FAM118A: variants seen among roughly 807,000 people sequenced by gnomAD.
FAM118A encodes protein FAM118A.
FAM118A carries 25 observed loss-of-function variants against 38.2 expected under a neutral mutation model. The ratio of observed to expected loss-of-function variants is 0.65; its 90% CI spans 0.48 to 0.91. The LOEUF is 0.91. Among genes scored for constraint, FAM118A ranks in the 40% least tolerant of loss-of-function variants. FAM118A has a pLI of 0.00. For missense variants in FAM118A, 425 were observed against 463.3 expected (o/e 0.92, Z 0.76); for synonymous variants, 178 against 184.1 (o/e 0.97, Z 0.27).
rs181033315 is a variant in FAM118A at position 45,324,775 on chromosome 22, G to A, written c.300+1348G>A. Among the ~76,000 whole-genome samples, 8 of 152,304 alleles carry A rather than the reference G, an allele frequency of 5.3e-5. No individual in the cohort carries two copies. In the South Asian group the frequency reaches 8.3e-4, roughly 16 times the overall value. On this transcript the variant is annotated intron_variant, in intron 3 of 8. Coordinates refer to ENST00000441876, the MANE Select transcript of FAM118A (RefSeq NM_017911.4). ...TACTTCCTCTCTGAGGCAGGGGCGCGGTGGCTCACGCCTGTAATCCCAGCA... is the reference window on the plus strand; with the variant it reads ...TACTTCCTCTCTGAGGCAGGGGCGCAGTGGCTCACGCCTGTAATCCCAGCA...
chr22:45,331,806 G>A (rs1460978394), intron 5 of FAM118A, among the ~76,000 whole-genome samples: 1 of 152,096 alleles, frequency 6.6e-6, no homozygotes, highest in East Asian at 1.9e-4. Flanking sequence ...TTGGTTAGCT[G>A]CATTGGCGAT....
intron 1 of FAM118A, among the ~76,000 whole-genome samples, chr22:45,310,524 C>T (rs556974050): frequency 6.6e-6 from 1 of 152,266 alleles, no homozygotes; most frequent in South Asian, 2.1e-4. Context: ...CTGTGGGGAG[C>T]CGTGGTTCCC....
intron 4 of FAM118A, chr22:45,329,716 T>G (rs2085568265): frequency 6.6e-6 from 1 of 152,352 alleles, no homozygotes; most frequent in South Asian, 2.1e-4. Context: ...GGTAGTGCCA[T>G]GGAGTAGACA....
At chr22:45,338,079 G>GT (rs1157638512) in intron 8 of FAM118A, 1 of 157,796 alleles carries the variant, frequency 6.3e-6, no homozygotes, top group Non-Finnish European at 1.4e-5. Context: ...TTACTCACAT[G>GT]TTCTTTTTCC....
chr22:45,321,657 T>C (rs2084886088), intron 1 of FAM118A: 1 of 153,848 alleles, frequency 6.5e-6, no homozygotes, highest in Admixed American at 6.4e-5. Flanking sequence ...GTTCAAGCAG[T>C]CCACCTTGGC....
At chr22:45,321,919 A>G (rs1482373633) in intron 1 of FAM118A, 1 of 281,336 alleles carries the variant, frequency 3.6e-6, no homozygotes, top group African/African-American at 2.2e-5. Flanking sequence ...AGTGCTCTGC[A>G]CCTTAGAGCA....
At chr22:45,309,165 C>T (rs1442467869), upstream of FAM118A, 1 of 152,234 alleles carries the variant, frequency 6.6e-6, no homozygotes, top group Non-Finnish European at 1.5e-5. Flanking sequence ...CCGGATCGAA[C>T]CTAAGCTGGG....
chr22:45,319,653 G>A (rs1325446626), intron 1 of FAM118A, among the ~76,000 whole-genome samples: 3 of 152,260 alleles, frequency 2.0e-5, no homozygotes, highest in East Asian at 1.9e-4. Context: ...AAATCTCAGG[G>A]GTGGGGTCCA....
rs1569150932 is a variant in FAM118A, at chr22:45,332,604, TA to T, written c.832del (p.Met278CysfsTer58). 1.2e-6 allele frequency: 2 copies of T among 1,614,224 alleles called. No homozygotes were observed. The highest frequency in any genetic ancestry group is 2.7e-5 in the African/African-American group (2 of 75,060). On this transcript the variant is annotated frameshift_variant, in exon 6 of 9. Coordinates refer to ENST00000441876, the MANE Select transcript of FAM118A (RefSeq NM_017911.4). LOFTEE classifies it high-confidence loss of function. ...EDHFFKHQAD[M>X]LLHGIKVVSY... ...ACCATTTCTTTAAGCATCAGGCAGA[TA>T]TGCTTCTGCACGGAATCAAAGTTGT... is the stretch of plus-strand genomic sequence containing the variant.
chr22:45,316,037 C>T (rs922858420), intron 1 of FAM118A, among the ~76,000 whole-genome samples: 4 of 152,102 alleles, frequency 2.6e-5, no homozygotes, highest in African/African-American at 9.7e-5. Context: ...GACTGTTGCT[C>T]AGTGATTTGA....
chr22:45,321,870 G>A (rs1344834540), intron 1 of FAM118A: 2 of 176,840 alleles, frequency 1.1e-5, no homozygotes, highest in Non-Finnish European at 2.4e-5. Flanking sequence ...TGGTGCCTTG[G>A]AGCTGGTGCC....
intron 6 of FAM118A, among the ~76,000 whole-genome samples, chr22:45,334,544 C>T (rs962886165): frequency 4.6e-5 from 7 of 152,134 alleles, no homozygotes; most frequent in Admixed American, 1.3e-4. Flanking sequence ...TTATTAAGGG[C>T]AGAAGAAAAG....
chr22:45,332,962 C>G (rs188385978), intron 6 of FAM118A, among the ~76,000 whole-genome samples: 1 of 152,008 alleles, frequency 6.6e-6, no homozygotes, highest in Admixed American at 6.5e-5. Context: ...AGGCTGGTCT[C>G]GAACTCCTGA....
intron 8 of FAM118A, among the ~76,000 whole-genome samples, chr22:45,339,988 C>T (rs1172060983): frequency 6.6e-6 from 1 of 152,246 alleles, no homozygotes; most frequent in Admixed American, 6.5e-5. Flanking sequence ...AAGCCCTGGC[C>T]TGTCCTGCAT....
intron 7 of FAM118A, among the ~76,000 whole-genome samples, 159 bp downstream of exon 7, chr22:45,335,541 A>G (rs970813864): frequency 1.3e-5 from 2 of 152,194 alleles, no homozygotes; most frequent in Non-Finnish European, 2.9e-5. Context: ...ATGCCTTAGC[A>G]TGGTCCCTGC....
Position 45,340,465 on chromosome 22 carries a change from C to T in FAM118A, c.*60C>T, listed in dbSNP as rs534944811. The T allele has an allele frequency of 2.0e-5, 32 of 1,583,456 alleles. No individual in the cohort carries two copies. The highest frequency in any genetic ancestry group is 2.5e-5 in the Non-Finnish European group (29 of 1,152,140). ...GCCTTCTGTAACCACAGTGCCCAAA[C>T]GAAGAGGAATGTATGGAGAACTCCA... On this transcript the variant is annotated 3_prime_UTR_variant, in exon 9 of 9. Coordinates refer to ENST00000441876, the MANE Select transcript of FAM118A (RefSeq NM_017911.4).
At chr22:45,328,880 C>T (rs8137209) in intron 4 of FAM118A, 14,569 of 162,518 alleles carry the variant, frequency 0.09, 833 homozygotes, top group East Asian at 0.14. Context: ...GGAAGCATAG[C>T]AGCATCTGCT....
At chr22:45,313,818 C>T (rs542213596) in intron 1 of FAM118A, among the ~76,000 whole-genome samples, 10 of 152,196 alleles carry the variant, frequency 6.6e-5, no homozygotes, top group Non-Finnish European at 1.3e-4. Context: ...CGCTTGTGGC[C>T]GCCGAACACT....
At chr22:45,314,508 C>G (rs754345601) in intron 1 of FAM118A, among the ~76,000 whole-genome samples, 1 of 152,248 alleles carries the variant, frequency 6.6e-6, no homozygotes, top group African/African-American at 2.4e-5. Flanking sequence ...ATAGCTTGTT[C>G]CCAGCCCCGT....
Sources: gnomAD v4.1 joint callset for allele counts (sites outside exome capture counted in the v4.1 genomes callset) on GRCh38, gnomAD v4.1.1 for gene constraint, MANE v1.5 for transcripts, NCBI Gene and HGNC (gene_info 2026-07-23, HGNC 2026-07-21) for gene names.